ELL2: variants seen among roughly 807,000 people sequenced by gnomAD.
ELL2 encodes RNA polymerase II elongation factor ELL2.
A neutral mutation model predicts 72.8 loss-of-function variants in ELL2; 21 were observed. The ratio of observed to expected loss-of-function variants is 0.29; its 90% CI spans 0.20 to 0.42. The LOEUF is 0.42. Ranked by LOEUF, ELL2 falls within the 10% of genes least tolerant of loss-of-function variation. The pLI is 1.00. For synonymous variants in ELL2, 266 were observed against 283.2 expected (o/e 0.94, Z 0.61); for missense variants, 568 against 772.8 (o/e 0.73, Z 3.14).
At chr5:95,914,109 C>T (rs1325120141) in intron 3 of ELL2, among the ~76,000 whole-genome samples, 175 bp from the exon 4 acceptor site, 1 of 151,622 alleles carries the variant, frequency 6.6e-6, no homozygotes, top group African/African-American at 2.4e-5. Flanking sequence ...CTTCTCTTCA[C>T]TTTTTTTCAT....
chr5:95,888,678 G>A lies in ELL2; in HGVS notation c.*193C>T. ...ACACAAGTCTTGGGGGTGGGGTGGT[G>A]GGGAGGACCAGAAAGAGCAGCTTCG... On this transcript the variant is annotated 3_prime_UTR_variant, in exon 12 of 12. Coordinates refer to ENST00000237853, the MANE Select transcript of ELL2 (RefSeq NM_012081.6). 2.4e-6 allele frequency: 1 copy of A among 414,276 alleles called. No individual in the cohort carries two copies. Among genetic ancestry groups the A allele is most frequent in the Admixed American group, 4.3e-5 (1 of 23,008 alleles). The allele number at this position is 414,276 out of a possible 1,614,324, so 25.7% of individuals were successfully genotyped here. A position where few individuals can be genotyped will look rare whatever the true frequency, so the allele number is the denominator to read the frequency against.
At chr5:95,893,477 C>T (rs1369390011) in intron 9 of ELL2, among the ~76,000 whole-genome samples, 1 of 152,116 alleles carries the variant, frequency 6.6e-6, no homozygotes, top group African/African-American at 2.4e-5. Context: ...CTCCGCCTCC[C>T]GGGTTCACAC....
chr5:95,946,193 C>G (rs142849961), intron 1 of ELL2, among the ~76,000 whole-genome samples: 32 of 152,222 alleles, frequency 2.1e-4, no homozygotes, highest in Non-Finnish European at 4.0e-4. Flanking sequence ...CTAGTGCAGT[C>G]CGGGCGGATG....
intron 9 of ELL2, among the ~76,000 whole-genome samples, chr5:95,891,993 C>G (rs2112266412): frequency 6.6e-6 from 1 of 152,310 alleles, no homozygotes; most frequent in South Asian, 2.1e-4. Flanking sequence ...ATTAGTCCAA[C>G]TTACTTTCTT....
intron 2 of ELL2, among the ~76,000 whole-genome samples, chr5:95,925,027 G>A (rs1750235790): frequency 6.6e-6 from 1 of 152,208 alleles, no homozygotes; most frequent in African/African-American, 2.4e-5. Context: ...TACCTTTACT[G>A]CAGGTTTCCT....
chr5:95,898,922 CAGGG>C, intron 7 of ELL2, 112 bp from the exon 8 acceptor site: 5 of 788,728 alleles, frequency 6.3e-6, no homozygotes, highest in Non-Finnish European at 7.5e-6. Context: ...TTAATATTAC[CAGGG>C]TTGTAATATT....
rs2112260601 is a variant in ELL2 at position 95,888,129 on chromosome 5, T to TC, written c.*741dup. On this transcript the variant is annotated 3_prime_UTR_variant, in exon 12 of 12. Transcript: ENST00000237853. ...CACACATACAGATCGAGCACACACT[T>TC]CCAGATGCTGGTAGGCCACAGTATG... 1 of 152,730 alleles carries TC rather than the reference T, an allele frequency of 6.5e-6. No individual in the cohort carries two copies. The highest frequency in any genetic ancestry group is 1.9e-4 in the East Asian group (1 of 5,180). The allele number at this position is 152,730 out of a possible 1,614,324, so 9.5% of individuals were successfully genotyped here.
intron 10 of ELL2, among the ~76,000 whole-genome samples, chr5:95,889,887 G>A (rs939946144): frequency 5.8e-5 from 8 of 138,384 alleles, no homozygotes; most frequent in Admixed American, 3.6e-4. Flanking sequence ...GGGGATTGGT[G>A]AGGGGGGGAG....
intron 3 of ELL2, among the ~76,000 whole-genome samples, chr5:95,918,619 G>A (rs1047340320): frequency 9.2e-5 from 14 of 152,166 alleles, no homozygotes; most frequent in Non-Finnish European, 1.8e-4. Flanking sequence ...GCACAGATAA[G>A]TCACAGAGAT....
chr5:95,936,348 T>C (rs1202963714), intron 2 of ELL2, among the ~76,000 whole-genome samples: 3 of 152,336 alleles, frequency 2.0e-5, no homozygotes, highest in African/African-American at 4.8e-5. Flanking sequence ...TCTCCAAACA[T>C]TGTTATGACA....
At chr5:95,950,902 G>GTA (rs1751352182) in intron 1 of ELL2, among the ~76,000 whole-genome samples, 10 of 75,034 alleles carry the variant, frequency 1.3e-4, no homozygotes, top group South Asian at 8.9e-4. Context: ...ATGTATGTAT[G>GTA]TGTATATATA....
At chr5:95,941,447 A>G (rs1750965683) in intron 2 of ELL2, among the ~76,000 whole-genome samples, 1 of 152,164 alleles carries the variant, frequency 6.6e-6, no homozygotes, top group African/African-American at 2.4e-5. Flanking sequence ...GGCAACTAGT[A>G]TGCTAGAGAA....
chr5:95,906,381 G>C, intron 5 of ELL2, 142 bp downstream of exon 5: 1 of 756,316 alleles, frequency 1.3e-6, no homozygotes, highest in Non-Finnish European at 1.9e-6. Flanking sequence ...ATATTCAGGA[G>C]TTGTATTTCA....
rs1372889726 is a variant in ELL2 at position 95,886,759 on chromosome 5, T to C, written c.*2112A>G. ...CATCCAAGCCAATGGTTCTCATACT[T>C]TAGCTTGCAGAAAGTCACCTACAAG... On this transcript the variant is annotated 3_prime_UTR_variant, in exon 12 of 12. Transcript: ENST00000237853. The C allele has an allele frequency of 6.6e-6, 1 of 152,004 alleles. No individual in the cohort carries two copies. The highest frequency in any genetic ancestry group is 1.5e-5 in the Non-Finnish European group (1 of 68,020). The allele number at this position is 152,004 out of a possible 1,614,324, so 9.4% of individuals were successfully genotyped here. A position where few individuals can be genotyped will look rare whatever the true frequency, so the allele number is the denominator to read the frequency against.
At chr5:95,945,178 T>C (rs985573387) in intron 1 of ELL2, among the ~76,000 whole-genome samples, 1 of 152,198 alleles carries the variant, frequency 6.6e-6, no homozygotes, top group Non-Finnish European at 1.5e-5. Context: ...TCTCAATGAC[T>C]GGCAAATATG....
intron 5 of ELL2, among the ~76,000 whole-genome samples, chr5:95,902,395 T>G (rs998194548): frequency 6.6e-6 from 1 of 152,218 alleles, no homozygotes; most frequent in Non-Finnish European, 1.5e-5. Flanking sequence ...TATTCCGAAG[T>G]GTAATCTTTT....
At chr5:95,952,880 C>A (rs537512533) in intron 1 of ELL2, among the ~76,000 whole-genome samples, 7 of 152,086 alleles carry the variant, frequency 4.6e-5, no homozygotes, top group African/African-American at 1.7e-4. Context: ...CATTCAGAGG[C>A]CAGTCAAACA....
chr5:95,910,344 AAT>A (rs1387782936), intron 4 of ELL2, among the ~76,000 whole-genome samples: 1 of 152,180 alleles, frequency 6.6e-6, no homozygotes, highest in East Asian at 1.9e-4. Context: ...CACCTAAACA[AAT>A]ATTAGTACAT....
intron 9 of ELL2, among the ~76,000 whole-genome samples, chr5:95,893,047 A>T (rs556448318): frequency 1.3e-5 from 2 of 152,272 alleles, no homozygotes; most frequent in African/African-American, 4.8e-5. Flanking sequence ...TAAAACTTAG[A>T]CTTAATTTGT....
Sources: allele counts gnomAD v4.1 joint callset (sites outside exome capture counted in the v4.1 genomes callset), GRCh38; gene constraint gnomAD v4.1.1; transcripts MANE v1.5; gene names NCBI Gene and HGNC (gene_info 2026-07-23, HGNC 2026-07-21).